OSBPL8: variants seen among roughly 807,000 people sequenced by gnomAD.
OSBPL8 encodes oxysterol-binding protein-related protein 8.
OSBPL8 carries 59 observed loss-of-function variants against 125.5 expected under a neutral mutation model. That is an observed-to-expected ratio of 0.47 (90% confidence interval 0.38 to 0.58). OSBPL8 has a LOEUF of 0.58. OSBPL8 is among the 20% of genes least tolerant of loss of function. The pLI is 0.00. For missense variants in OSBPL8, 758 were observed against 1,047.8 expected (o/e 0.72, Z 3.82); for synonymous variants, 330 against 338.9 (o/e 0.97, Z 0.29).
At chr12:76,402,206 A>AC (rs1228249709) in intron 6 of OSBPL8, among the ~76,000 whole-genome samples, 1 of 152,204 alleles carries the variant, frequency 6.6e-6, no homozygotes, top group African/African-American at 2.4e-5. Flanking sequence ...TCCAGATTCT[A>AC]TGGCCACTCA....
rs1873342128 is a variant in OSBPL8, at chr12:76,451,031, A to G, written c.80-43T>C. The G allele has an allele frequency of 1.9e-6, 3 of 1,588,148 alleles. No homozygotes were observed. The East Asian group carries it at 6.8e-5, about 36-fold the overall frequency. On this transcript the variant is annotated intron_variant, in intron 3 of 23. Coordinates refer to ENST00000261183, the MANE Select transcript of OSBPL8 (RefSeq NM_020841.5). ...AAAATAATTAGTACTGAAGTCACAG[A>G]TTTACATAATAGTATAGTTAATAAC...
Position 76,358,722 on chromosome 12 carries a change from G to A in OSBPL8, c.2418C>T (p.Asp806=). 6.2e-7 allele frequency: 1 copy of A among 1,611,604 alleles called. No individual in the cohort carries two copies. Among genetic ancestry groups the A allele is most frequent in the South Asian group, 1.1e-5 (1 of 91,016 alleles). The part of the protein sequence containing the change: ...GYSSPEPDIQ[D]SSGSEAQSVK... ...TATTTTTACCTTCACTTCCAGAGGA[G>A]TCTTGAATGTCAGGTTCTGGGGAGG... is the stretch of plus-strand genomic sequence containing the variant. Residue 806 remains aspartate (D), a synonymous_variant, in exon 22 of 24, where the codon GAC becomes GAT. Transcript: ENST00000261183.
In OSBPL8 at chr12:76,449,954, T is replaced by C. The variant is rs76115512; in HGVS notation, c.217+897A>G. On this transcript the variant is annotated intron_variant, in intron 4 of 23. Coordinates refer to ENST00000261183, the MANE Select transcript of OSBPL8 (RefSeq NM_020841.5). ...TATTATCAAAGAATATCTATAATTA[T>C]GTATAAACCCCCCCCATATATATAT... Among the ~76,000 whole-genome samples the C allele has an allele frequency of 6.5e-3, 995 of 152,128 alleles. 6 individuals are homozygous for C. Among genetic ancestry groups the C allele is most frequent in the Middle Eastern group, 0.037 (11 of 294 alleles).
At position 76,406,781 on chromosome 12, in the gene OSBPL8, A is replaced by G. The variant is rs192531232; in HGVS notation, c.288+3783T>C. ...CAGGAACATGCCACCACGTGTGGCT[A>G]ATTTTTTGATTTGTAGAGTCAAGGT... On this transcript the variant is annotated intron_variant, in intron 5 of 23. Coordinates refer to ENST00000261183, the MANE Select transcript of OSBPL8 (RefSeq NM_020841.5). Among the ~76,000 whole-genome samples the G allele has an allele frequency of 2.0e-5, 3 of 152,102 alleles. No homozygotes were observed. The East Asian group carries it at 5.8e-4, about 29-fold the overall frequency.
intron 1 of OSBPL8, among the ~76,000 whole-genome samples, chr12:76,513,513 G>C (rs1158272757): frequency 6.6e-6 from 1 of 152,144 alleles, no homozygotes; most frequent in Non-Finnish European, 1.5e-5. Context: ...GTCTAATACT[G>C]TCAGTGGAGT....
At chr12:76,514,822 C>T (rs1035528963) in intron 1 of OSBPL8, among the ~76,000 whole-genome samples, 3 of 152,140 alleles carry the variant, frequency 2.0e-5, no homozygotes, top group Non-Finnish European at 4.4e-5. Context: ...TTACATAATC[C>T]CATACTTCTC....
chr12:76,555,283 C>T (rs1030669866), intron 1 of OSBPL8, among the ~76,000 whole-genome samples: 4 of 152,180 alleles, frequency 2.6e-5, no homozygotes, highest in Non-Finnish European at 5.9e-5. Context: ...AGATTTTCAG[C>T]TACACATATC....
At chr12:76,479,444 ATT>A (rs765590676) in intron 2 of OSBPL8, among the ~76,000 whole-genome samples, 1 of 152,326 alleles carries the variant, frequency 6.6e-6, no homozygotes, top group Non-Finnish European at 1.5e-5. Context: ...AGTCATAATC[ATT>A]CTTTCCAGCC....
chr12:76,464,508 T>G (rs1875154255), intron 2 of OSBPL8, among the ~76,000 whole-genome samples: 1 of 152,142 alleles, frequency 6.6e-6, no homozygotes, highest in South Asian at 2.1e-4. Flanking sequence ...ATCTCAGAAA[T>G]AGTGCACAAT....
intron 8 of OSBPL8, among the ~76,000 whole-genome samples, chr12:76,397,255 C>T (rs1418420754): frequency 2.0e-5 from 3 of 146,640 alleles, no homozygotes; most frequent in African/African-American, 7.6e-5. Context: ...CTTTACATCA[C>T]TACAGGAAAG....
In OSBPL8 at chr12:76,397,760, T is replaced by C. The variant is rs751991409; in HGVS notation, c.606A>G (p.Pro202=). The change falls in exon 8 of 24, where the codon CCA becomes CCG. Residue 202 remains proline, a synonymous_variant. Coordinates refer to ENST00000261183, the MANE Select transcript of OSBPL8 (RefSeq NM_020841.5). ...LLNACEIIER[P]SKKDGFCFKL... ...TGAAACAAAAGCCATCCTTTTTTGA[T>C]GGACGTTCAATGATTTCACAGGCAT... 3.7e-6 allele frequency: 6 copies of C among 1,614,154 alleles called. No individual in the cohort carries two copies. The Admixed American group carries it at 5.0e-5, about 13-fold the overall frequency.
Position 76,506,615 on chromosome 12 carries a change from C to A in OSBPL8, c.-67-18997G>T, listed in dbSNP as rs576333520. On this transcript the variant is annotated intron_variant, in intron 1 of 23. Transcript: ENST00000261183. ...TACTCTATATGAAAAACAAGACATA[C>A]ACAAAATAAAAATTATAAAATCACT... 3.9e-5 allele frequency among the ~76,000 whole-genome samples: 6 copies of A among 152,120 alleles called. No homozygotes were observed. In the East Asian group the frequency reaches 7.7e-4, roughly 20 times the overall value.
chr12:76,467,020 C>T (rs748334959), intron 2 of OSBPL8, among the ~76,000 whole-genome samples: 8 of 152,124 alleles, frequency 5.3e-5, no homozygotes, highest in Non-Finnish European at 1.0e-4. Context: ...AGTTAATTTG[C>T]CAACCTGTGG....
At position 76,451,294 on chromosome 12, in the gene OSBPL8, A is replaced by G. The variant is rs540638434; in HGVS notation, c.80-306T>C. Reference sequence around the variant, plus strand: ...CTGTGTGCCTTTCATTGTGCTATTTATTCTTTATATTTACCAACAAAATAA... The same window carrying G: ...CTGTGTGCCTTTCATTGTGCTATTTGTTCTTTATATTTACCAACAAAATAA... On this transcript the variant is annotated intron_variant, in intron 3 of 23. Transcript: ENST00000261183. Among the ~76,000 whole-genome samples the G allele has an allele frequency of 2.6e-5, 4 of 152,150 alleles. No homozygotes were observed. In the South Asian group the frequency reaches 8.3e-4, roughly 32 times the overall value.
At chr12:76,508,122 G>A (rs1237336924) in intron 1 of OSBPL8, among the ~76,000 whole-genome samples, 2 of 150,990 alleles carry the variant, frequency 1.3e-5, no homozygotes, top group Admixed American at 1.3e-4. Context: ...AGTGAGCCGA[G>A]ATTGCGCCAT....
At chr12:76,383,230 T>C (rs561632662) in intron 15 of OSBPL8, among the ~76,000 whole-genome samples, 69 of 152,156 alleles carry the variant, frequency 4.5e-4, no homozygotes, top group African/African-American at 1.5e-3. Context: ...TAAAAATTTC[T>C]ATAAGGGTAG....
intron 1 of OSBPL8, among the ~76,000 whole-genome samples, chr12:76,528,643 G>A (rs1384084409): frequency 2.0e-5 from 3 of 152,014 alleles, no homozygotes; most frequent in Admixed American, 2.0e-4. Context: ...GTTGTCACAA[G>A]CCAAAGAAGA....
rs367947530 is a variant in OSBPL8, at chr12:76,443,240, G to A, written c.217+7611C>T. Among the ~76,000 whole-genome samples, 86 of 152,130 alleles carry A rather than the reference G, an allele frequency of 5.7e-4. 2 individuals are homozygous for A. Among genetic ancestry groups the A allele is most frequent in the African/African-American group, 2.0e-3 (85 of 41,500 alleles). ...GCAATATTATATATTCTCTCACAAAGCACTATAATTGAAAGATGGTTTTTT... is the reference window on the plus strand; with the variant it reads ...GCAATATTATATATTCTCTCACAAAACACTATAATTGAAAGATGGTTTTTT... On this transcript the variant is annotated intron_variant, in intron 4 of 23. Transcript: ENST00000261183.
intron 1 of OSBPL8, among the ~76,000 whole-genome samples, chr12:76,555,706 G>A (rs931196764): frequency 3.3e-5 from 5 of 152,158 alleles, no homozygotes; most frequent in Admixed American, 1.3e-4. Context: ...GTGATTGGCC[G>A]ATGGAAACGA....
Sources: allele counts gnomAD v4.1 joint callset (sites outside exome capture counted in the v4.1 genomes callset), GRCh38; gene constraint gnomAD v4.1.1; transcripts MANE v1.5; gene names NCBI Gene and HGNC (gene_info 2026-07-23, HGNC 2026-07-21).